SGCZ: variants seen among roughly 807,000 people sequenced by gnomAD.
SGCZ encodes the protein zeta-sarcoglycan.
In SGCZ, 40 loss-of-function variants were observed where a neutral mutation model predicts 41.3. The ratio of observed to expected loss-of-function variants is 0.97; its 90% CI spans 0.75 to 1.26. The LOEUF (loss-of-function observed/expected upper bound fraction) is 1.26. SGCZ is among the 50% of genes most tolerant of loss of function. The pLI is 0.00. For synonymous variants in SGCZ, 206 were observed against 137.5 expected, an observed-to-expected ratio of 1.50 and a Z score of -3.49; for missense variants, 552 against 369.8, an observed-to-expected ratio of 1.49 and a Z score of -4.04.
At chr8:14,250,085 C>T (rs182463354) in intron 3 of SGCZ, among the ~76,000 whole-genome samples, 15 of 152,252 alleles carry the variant, frequency 9.9e-5, no homozygotes, top group Admixed American at 9.2e-4. Context: ...GCATTTCAAA[C>T]GAGCTTCCAG....
intron 1 of SGCZ, among the ~76,000 whole-genome samples, chr8:14,648,102 A>G (rs1019125030): frequency 2.0e-5 from 3 of 152,070 alleles, no homozygotes; most frequent in Admixed American, 2.0e-4. Flanking sequence ...AAAAACTCCA[A>G]TTCCACAGAG....
chr8:14,218,520 T>C (rs948909826), intron 4 of SGCZ, among the ~76,000 whole-genome samples: 3 of 152,202 alleles, frequency 2.0e-5, no homozygotes, highest in African/African-American at 4.8e-5. Context: ...TAATATCAGG[T>C]TGATGCAAAA....
intron 2 of SGCZ, among the ~76,000 whole-genome samples, chr8:14,547,924 T>G (rs115317198): frequency 0.012 from 1,828 of 152,296 alleles, 47 homozygotes; most frequent in African/African-American, 0.041. Flanking sequence ...TGAGATCTTT[T>G]TATGTGTCTA....
At chr8:14,292,678 T>C (rs79234072) in intron 3 of SGCZ, among the ~76,000 whole-genome samples, 1 of 152,130 alleles carries the variant, frequency 6.6e-6, no homozygotes, top group East Asian at 1.9e-4. Flanking sequence ...TAAAGTCAAA[T>C]TCTGGATCTA....
intron 1 of SGCZ, among the ~76,000 whole-genome samples, chr8:15,168,509 C>G (rs1392464752): frequency 6.6e-6 from 1 of 152,090 alleles, no homozygotes; most frequent in Non-Finnish European, 1.5e-5. Context: ...TGCTTTGGTA[C>G]TCATGGCAGT....
intron 1 of SGCZ, among the ~76,000 whole-genome samples, chr8:14,585,332 G>C (rs890174980): frequency 1.3e-5 from 2 of 151,990 alleles, no homozygotes; most frequent in Non-Finnish European, 2.9e-5. Context: ...TGACATTTTA[G>C]CAAAGTTTTT....
chr8:14,949,675 T>G (rs1800566523), intron 1 of SGCZ, among the ~76,000 whole-genome samples: 1 of 152,056 alleles, frequency 6.6e-6, no homozygotes, highest in Non-Finnish European at 1.5e-5. Context: ...AATTTTGGCC[T>G]AAATAAAGGC....
At chr8:15,163,215 G>A (rs189314307) in intron 1 of SGCZ, among the ~76,000 whole-genome samples, 7 of 152,268 alleles carry the variant, frequency 4.6e-5, no homozygotes, top group Admixed American at 1.3e-4. Context: ...CATTTATCAT[G>A]TGTCGGCCAC....
At chr8:14,782,053 A>C (rs181153610) in intron 1 of SGCZ, among the ~76,000 whole-genome samples, 13 of 152,280 alleles carry the variant, frequency 8.5e-5, no homozygotes, top group Admixed American at 4.6e-4. Flanking sequence ...TTGGGTGACA[A>C]ACTTGTACAA....
intron 1 of SGCZ, among the ~76,000 whole-genome samples, chr8:14,720,921 TTA>T (rs924259960): frequency 6.9e-6 from 1 of 143,918 alleles, no homozygotes; most frequent in African/African-American, 2.6e-5. Context: ...TGTTTTTTTT[TTA>T]ATTTTTTTTA....
chr8:14,375,092 G>A (rs1472041983), intron 2 of SGCZ, among the ~76,000 whole-genome samples: 1 of 150,490 alleles, frequency 6.6e-6, no homozygotes, highest in African/African-American at 2.5e-5. Flanking sequence ...CAGAAAAGGG[G>A]GACAATCAGA....
intron 2 of SGCZ, among the ~76,000 whole-genome samples, chr8:14,462,670 C>G (rs978616142): frequency 6.6e-6 from 1 of 151,664 alleles, no homozygotes; most frequent in Non-Finnish European, 1.5e-5. Flanking sequence ...CCACTTTGTT[C>G]TTCTTTTTCA....
At position 14,840,654 on chromosome 8, in the gene SGCZ, G is replaced by A. The variant is rs931132728; in HGVS notation, c.40-285728C>T. Among the ~76,000 whole-genome samples, 14 of 152,106 alleles carry A rather than the reference G, an allele frequency of 9.2e-5. No homozygotes were observed. The South Asian group carries it at 2.9e-3, about 32-fold the overall frequency. ...GCACTCTAACTATCTTAACTTAGAA[G>A]TAGAGCATGAAACATCAATTGAGGA... On this transcript the variant is annotated intron_variant, in intron 1 of 7. Transcript: ENST00000382080.
chr8:14,205,121 C>G (rs1267084777), intron 4 of SGCZ, among the ~76,000 whole-genome samples: 8 of 152,070 alleles, frequency 5.3e-5, no homozygotes, highest in Admixed American at 5.2e-4. Context: ...TCTCAAAATA[C>G]ATGCATCAGC....
chr8:14,553,787 A>G (rs1379235017), intron 2 of SGCZ, among the ~76,000 whole-genome samples: 2 of 152,054 alleles, frequency 1.3e-5, no homozygotes, highest in Non-Finnish European at 2.9e-5. Flanking sequence ...ACAAACAAAC[A>G]AACTTAAACA....
At position 14,554,855 on chromosome 8, in the gene SGCZ, G is replaced by A. The variant is rs748055219; in HGVS notation, c.111C>T (p.Tyr37=). 1.9e-6 allele frequency: 3 copies of A among 1,612,922 alleles called. No homozygotes were observed. In the African/African-American group the frequency reaches 4.0e-5, roughly 22 times the overall value. ...NLPRTENAQL[Y]PVGIYGWRKR... Reference sequence around the variant, plus strand: ...TTCGCCATCCATAAATTCCCACTGGGTAAAGTTGTGCATTCTCAGTCCTTG... The same window carrying A: ...TTCGCCATCCATAAATTCCCACTGGATAAAGTTGTGCATTCTCAGTCCTTG... Residue 37 remains tyrosine, a synonymous_variant, in exon 2 of 8, where the codon TAC becomes TAT. Transcript: ENST00000382080.
chr8:14,929,158 A>G (rs2130803115), intron 1 of SGCZ, among the ~76,000 whole-genome samples: 1 of 152,014 alleles, frequency 6.6e-6, no homozygotes, highest in South Asian at 2.1e-4. Context: ...CGCCCAGCTA[A>G]TTTTTGTAGT....
At position 14,691,878 on chromosome 8, in the gene SGCZ, G is replaced by A. The variant is rs74723412; in HGVS notation, c.40-136952C>T. ...TAATACATAATTTTATAACTGTTTT[G>A]TGAGAAAATAAATTACAAATTTTGT... On this transcript the variant is annotated intron_variant, in intron 1 of 7. Coordinates refer to ENST00000382080, the MANE Select transcript of SGCZ (RefSeq NM_139167.4). Among the ~76,000 whole-genome samples the A allele has an allele frequency of 6.6e-5, 10 of 151,800 alleles. No individual in the cohort carries two copies. The East Asian group carries it at 7.7e-4, about 12-fold the overall frequency.
chr8:15,166,423 A>AT (rs1380354013), intron 1 of SGCZ, among the ~76,000 whole-genome samples: 1 of 151,020 alleles, frequency 6.6e-6, no homozygotes, highest in African/African-American at 2.4e-5. Flanking sequence ...AGTTTTTTCT[A>AT]TTTTTTAGTA....
Sources: gnomAD v4.1 joint callset for allele counts (sites outside exome capture counted in the v4.1 genomes callset) on GRCh38, gnomAD v4.1.1 for gene constraint, MANE v1.5 for transcripts, NCBI Gene and HGNC (gene_info 2026-07-23, HGNC 2026-07-21) for gene names.